Variants in WDFY3 observed in about 807,000 individuals in gnomAD.
WDFY3 encodes the protein WD repeat and FYVE domain-containing protein 3.
WDFY3 carries 66 observed loss-of-function variants against 409.6 expected under a neutral mutation model. The ratio of observed to expected loss-of-function variants is 0.16; its 90% CI spans 0.13 to 0.20. WDFY3 has a LOEUF of 0.20. Among genes scored for constraint, WDFY3 ranks in the 10% least tolerant of loss-of-function variants. The pLI is 1.00. For missense variants in WDFY3, 3,031 were observed against 4,298.1 expected (o/e 0.71, Z 8.24); for synonymous variants, 1,521 against 1,537.1 (o/e 0.99, Z 0.25).
chr4:84,818,566 T>C (rs1430436190), intron 12 of WDFY3, among the ~76,000 whole-genome samples: 1 of 152,132 alleles, frequency 6.6e-6, no homozygotes, highest in African/African-American at 2.4e-5. Flanking sequence ...GTTAACTTTA[T>C]AAAAATTATA....
chr4:84,754,277 G>A (rs1329641466), intron 34 of WDFY3, among the ~76,000 whole-genome samples: 1 of 152,012 alleles, frequency 6.6e-6, no homozygotes, highest in Non-Finnish European at 1.5e-5. Context: ...TCACCTTTCT[G>A]AGCCTCACTC....
intron 56 of WDFY3, among the ~76,000 whole-genome samples, chr4:84,700,273 C>A (rs566121865): frequency 6.6e-6 from 1 of 152,140 alleles, no homozygotes; most frequent in East Asian, 1.9e-4. Context: ...GGCACGAACA[C>A]GGCTCACTGC....
chr4:84,690,411 G>T (rs1446383676), intron 61 of WDFY3, 95 bp downstream of exon 61: 10 of 1,559,432 alleles, frequency 6.4e-6, no homozygotes, highest in Admixed American at 1.8e-5. Flanking sequence ...TAGATCTGAA[G>T]TACCTCAGAA....
At chr4:84,680,669 G>C (rs146009666) in intron 64 of WDFY3, among the ~76,000 whole-genome samples, 14 of 152,092 alleles carry the variant, frequency 9.2e-5, no homozygotes, top group African/African-American at 3.4e-4. Flanking sequence ...AAAATATTTG[G>C]GGAAATAAAC....
Position 84,724,476 on chromosome 4 carries a change from G to A in WDFY3, c.7391C>T (p.Ala2464Val). ...DAIVESSEGE[A>V]AQQEPEHGED... ...CCCATGCTCTGGTTCTTGCTGAGCAGCTTCACCTTCTGAACTCTCCACAAT... is the reference window on the plus strand; with the variant it reads ...CCCATGCTCTGGTTCTTGCTGAGCAACTTCACCTTCTGAACTCTCCACAAT... Residue 2464 changes from alanine to valine, a missense_variant, in exon 46 of 68, where the codon GCT (alanine) becomes GTT (valine). Around this residue, in one of 16 missense-constraint regions of WDFY3, gnomAD observed 127 missense variants for 144.4 expected, o/e 0.88. Coordinates refer to ENST00000295888, the MANE Select transcript of WDFY3 (RefSeq NM_014991.6). 6.2e-7 allele frequency: 1 copy of A among 1,614,056 alleles called. No individual in the cohort carries two copies. Among genetic ancestry groups the A allele is most frequent in the Non-Finnish European group, 8.5e-7 (1 of 1,179,954 alleles).
intron 6 of WDFY3, among the ~76,000 whole-genome samples, chr4:84,839,660 C>G (rs1757061464): frequency 6.6e-6 from 1 of 151,926 alleles, no homozygotes; most frequent in Non-Finnish European, 1.5e-5. Context: ...GAGTTCGGGA[C>G]CAGCCTGGCC....
In WDFY3 at chr4:84,753,736, G is replaced by A; in HGVS notation, c.5700C>T (p.Ala1900=). The A allele has an allele frequency of 6.2e-7, 1 of 1,601,850 alleles. No individual in the cohort carries two copies. Among genetic ancestry groups the A allele is most frequent in the African/African-American group, 1.3e-5 (1 of 74,466 alleles). The change falls in exon 35 of 68, where the codon GCC becomes GCT. Residue 1900 remains alanine, a synonymous_variant. Coordinates refer to ENST00000295888, the MANE Select transcript of WDFY3 (RefSeq NM_014991.6). ...GGCGAATATTGAAGGGGAAGACGGT[G>A]GCTGCTAATGCACACAGGAAGTCAG... The part of the protein sequence containing the change: ...MSPDFLCALA[A]TVFPFNIRPY...
chr4:84,688,373 G>C (rs1385845409), intron 61 of WDFY3, 108 bp from the exon 62 acceptor site: 5 of 1,104,684 alleles, frequency 4.5e-6, no homozygotes, highest in Non-Finnish European at 6.4e-6. Context: ...CGCATGCTAG[G>C]TAGTAGGTGA....
intron 15 of WDFY3, 151 bp from the exon 16 acceptor site, chr4:84,803,618 T>G: frequency 1.1e-5 from 9 of 791,042 alleles, no homozygotes; most frequent in Non-Finnish European, 1.8e-5. Flanking sequence ...CAACTCGAGT[T>G]GATATGTGTG....
intron 4 of WDFY3, among the ~76,000 whole-genome samples, chr4:84,856,502 A>G (rs1169759175): frequency 2.0e-5 from 3 of 152,198 alleles, no homozygotes; most frequent in Non-Finnish European, 4.4e-5. Context: ...AATATTATTC[A>G]GCTATTTTCA....
At chr4:84,790,115 T>C (rs1748246211) in intron 21 of WDFY3, among the ~76,000 whole-genome samples, 2 of 152,042 alleles carry the variant, frequency 1.3e-5, no homozygotes, top group South Asian at 4.2e-4. Context: ...TTTGGGAGGC[T>C]GAGGCGGGCG....
chr4:84,749,207 C>T (rs1465836854), intron 36 of WDFY3, among the ~76,000 whole-genome samples: 1 of 152,076 alleles, frequency 6.6e-6, no homozygotes, highest in Non-Finnish European at 1.5e-5. Context: ...CTTCTTGAAT[C>T]TCTTCATGGA....
chr4:84,787,497 C>T lies in WDFY3; in HGVS notation c.3886G>A (p.Ala1296Thr). Reference sequence around the variant, plus strand: ...AGTTACTCACATGGCATACATACAGCCTGAAAGCTTCCAACATAATTTGGT... The same window carrying T: ...AGTTACTCACATGGCATACATACAGTCTGAAAGCTTCCAACATAATTTGGT... ...LGPNYVGSFQ[A>T]VCMPCKDAKS... Residue 1296 changes from alanine (A) to threonine (T), a missense_variant, in exon 23 of 68, where the codon GCT (alanine) becomes ACT (threonine). Coordinates refer to ENST00000295888, the MANE Select transcript of WDFY3 (RefSeq NM_014991.6). The T allele has an allele frequency of 6.2e-7, 1 of 1,614,028 alleles. No homozygotes were observed. The highest frequency in any genetic ancestry group is 8.5e-7 in the Non-Finnish European group (1 of 1,179,918).
At position 84,693,132 on chromosome 4, in the gene WDFY3, A is replaced by G. The variant is rs548687116; in HGVS notation, c.8902-100T>C. On this transcript the variant is annotated intron_variant, in intron 58 of 67. Coordinates refer to ENST00000295888, the MANE Select transcript of WDFY3 (RefSeq NM_014991.6). Reference sequence around the variant, plus strand: ...GTTCTTATTTCAATTAAGGTTCACAAGAACTATTAGGTACTATATTATCCT... The same window carrying G: ...GTTCTTATTTCAATTAAGGTTCACAGGAACTATTAGGTACTATATTATCCT... The G allele has an allele frequency of 2.3e-5, 29 of 1,242,968 alleles. No homozygotes were observed. The African/African-American group carries it at 3.8e-4, about 16-fold the overall frequency. 77.0% of individuals were successfully genotyped at this position (1,242,968 alleles called of 1,614,324 possible).
At chr4:84,684,904 C>T (rs1728034678) in intron 62 of WDFY3, among the ~76,000 whole-genome samples, 1 of 152,154 alleles carries the variant, frequency 6.6e-6, no homozygotes, top group South Asian at 2.1e-4. Flanking sequence ...CTCCTGTGTG[C>T]CAGTCACTGG....
chr4:84,696,725 C>T lies in WDFY3; in HGVS notation c.8688+7G>A, dbSNP rs1439439620. ...TCAACTTCAATTGTAAAATGTACTTCCATTACCTCACGATGGACTCTGATG... is the reference window on the plus strand; with the variant it reads ...TCAACTTCAATTGTAAAATGTACTTTCATTACCTCACGATGGACTCTGATG... On this transcript the variant is annotated splice_region_variant and intron_variant, in intron 57 of 67. Transcript: ENST00000295888. 2 of 1,612,710 alleles carry T rather than the reference C, an allele frequency of 1.2e-6. No individual in the cohort carries two copies. The highest frequency in any genetic ancestry group is 1.7e-6 in the Non-Finnish European group (2 of 1,179,244).
At chr4:84,950,550 G>A (rs1579261207) in intron 1 of WDFY3, among the ~76,000 whole-genome samples, 1 of 152,262 alleles carries the variant, frequency 6.6e-6, no homozygotes, top group African/African-American at 2.4e-5. Context: ...TCAGCACTTT[G>A]GGAGGCCAAG....
At chr4:84,897,246 G>C (rs540797884) in intron 2 of WDFY3, among the ~76,000 whole-genome samples, 3 of 152,280 alleles carry the variant, frequency 2.0e-5, no homozygotes, top group African/African-American at 7.2e-5. Flanking sequence ...TTTCCCAACT[G>C]ATTCTAATGT....
At chr4:84,751,962 T>C (rs1002893152) in intron 35 of WDFY3, among the ~76,000 whole-genome samples, 5 of 152,158 alleles carry the variant, frequency 3.3e-5, no homozygotes, top group Admixed American at 6.5e-5. Flanking sequence ...AGTTGAATTG[T>C]ATGTCTATTG....
Sources: gnomAD v4.1 joint callset for allele counts (sites outside exome capture counted in the v4.1 genomes callset) on GRCh38, gnomAD v4.1.1 for gene constraint, gnomAD v4.1.1 regional missense constraint, MANE v1.5 for transcripts, NCBI Gene and HGNC (gene_info 2026-07-23, HGNC 2026-07-21) for gene names.